Variants in CPA6 observed in about 807,000 individuals in gnomAD.
The protein encoded by CPA6 is carboxypeptidase A6, also known as carboxypeptidase B.
Under a neutral mutation model 63.3 loss-of-function variants are expected in CPA6, and 58 were observed. The observed-to-expected ratio is 0.92, with a 90% confidence interval of 0.74 to 1.14. CPA6 has a LOEUF of 1.14. Among genes scored for constraint, CPA6 ranks in the 50% most tolerant of loss-of-function variants. The probability of loss-of-function intolerance (pLI) is 0.00; values close to 1 mark genes in which losing one functional copy is unlikely to be tolerated. For missense variants in CPA6, 565 were observed against 526.6 expected, an observed-to-expected ratio of 1.07 and a Z score of -0.71; for synonymous variants, 185 against 179.0, an observed-to-expected ratio of 1.03 and a Z score of -0.27.
chr8:67,593,369 G>C (rs1468192553), intron 2 of CPA6, among the ~76,000 whole-genome samples: 2 of 151,966 alleles, frequency 1.3e-5, no homozygotes, highest in African/African-American at 4.8e-5. Flanking sequence ...CTGTTGATTT[G>C]GGGTGGAGAG....
intron 3 of CPA6, among the ~76,000 whole-genome samples, chr8:67,514,262 A>T (rs1353693426): frequency 6.6e-6 from 1 of 152,130 alleles, no homozygotes; most frequent in East Asian, 1.9e-4. Context: ...CTGATCAAAA[A>T]ATAGAAATTT....
At chr8:67,605,019 C>T (rs1006262346) in intron 2 of CPA6, among the ~76,000 whole-genome samples, 3 of 151,872 alleles carry the variant, frequency 2.0e-5, no homozygotes, top group Non-Finnish European at 2.9e-5. Context: ...CTCAGGTGAT[C>T]CACATGCCTT....
Position 67,594,779 on chromosome 8 carries a change from G to A in CPA6, c.192+29397C>T, listed in dbSNP as rs1465367468. Among the ~76,000 whole-genome samples the A allele has an allele frequency of 1.3e-4, 20 of 152,172 alleles. No individual in the cohort carries two copies. The South Asian group carries it at 3.9e-3, about 30-fold the overall frequency. ...TATTGGTTATTCTAGTTATACATTT[G>A]TCTAAATTTTTTTCAAAGTTTTCAA... On this transcript the variant is annotated intron_variant, in intron 2 of 10. Transcript: ENST00000297770.
intron 1 of CPA6, among the ~76,000 whole-genome samples, chr8:67,660,239 T>C (rs938835318): frequency 1.3e-5 from 2 of 151,924 alleles, no homozygotes; most frequent in Admixed American, 6.6e-5. Context: ...GAGATTATTA[T>C]ATCTACTAGT....
chr8:67,505,429 A>G (rs1811907046), intron 6 of CPA6, among the ~76,000 whole-genome samples: 1 of 152,194 alleles, frequency 6.6e-6, no homozygotes, highest in Non-Finnish European at 1.5e-5. Flanking sequence ...CTTTAGCTGG[A>G]ATGCTGGGGA....
chr8:67,569,486 G>A (rs897009342), intron 2 of CPA6: 4 of 369,858 alleles, frequency 1.1e-5, no homozygotes, highest in Non-Finnish European at 1.7e-5. Context: ...GCTAAGACAG[G>A]GTCTGTAACA....
intron 6 of CPA6, among the ~76,000 whole-genome samples, chr8:67,501,195 A>T (rs1471426992): frequency 6.6e-6 from 1 of 152,060 alleles, no homozygotes; most frequent in Non-Finnish European, 1.5e-5. Context: ...CTCCCAATCC[A>T]TGAATGTGGT....
At chr8:67,511,144 A>T (rs901270174) in intron 4 of CPA6, among the ~76,000 whole-genome samples, 3 of 152,152 alleles carry the variant, frequency 2.0e-5, no homozygotes, top group African/African-American at 7.2e-5. Flanking sequence ...AGAGGTCTCA[A>T]CTTTGCAGAG....
At chr8:67,473,204 AG>A (rs1811103062) in intron 8 of CPA6, among the ~76,000 whole-genome samples, 2 of 152,258 alleles carry the variant, frequency 1.3e-5, no homozygotes, top group Admixed American at 6.5e-5. Context: ...AAAGATTTCC[AG>A]TTAGCCTGTG....
At chr8:67,535,532 T>C in intron 2 of CPA6, among the ~76,000 whole-genome samples, 1 of 152,228 alleles carries the variant, frequency 6.6e-6, no homozygotes, top group East Asian at 1.9e-4. Flanking sequence ...TCTGTTCATA[T>C]CCTTTGCCCA....
chr8:67,730,582 T>C lies in CPA6; in HGVS notation c.116+15432A>G, dbSNP rs116394678. On this transcript the variant is annotated intron_variant, in intron 1 of 10. Transcript: ENST00000297770. The stretch of plus-strand genomic sequence containing the variant: ...GATGGGGCTGAAAGTCCCAAACCTC[T>C]AATCACATGGTTGGTTTCCCTGGCA... Among the ~76,000 whole-genome samples the C allele has an allele frequency of 8.0e-3, 1,216 of 152,284 alleles. 19 individuals carry two copies. The highest frequency in any genetic ancestry group is 0.027 in the African/African-American group (1,140 of 41,538).
intron 8 of CPA6, among the ~76,000 whole-genome samples, chr8:67,475,823 T>TCTTTTC (rs1811182728): frequency 2.2e-5 from 1 of 45,966 alleles, no homozygotes; most frequent in Non-Finnish European, 4.1e-5. Flanking sequence ...CTTTCCTTTC[T>TCTTTTC]TTTCTTTCTT....
rs778677867 is a variant in CPA6, at chr8:67,509,578, C to G, written c.473G>C (p.Gly158Ala). 1.3e-6 allele frequency: 2 copies of G among 1,599,114 alleles called. No individual in the cohort carries two copies. Among genetic ancestry groups the G allele is most frequent in the Non-Finnish European group, 1.7e-6 (2 of 1,170,308 alleles). Residue 158 changes from glycine to alanine, a missense_variant, in exon 5 of 11, where the codon GGC (glycine) becomes GCC (alanine). Physicochemically the swap from Gly to Ala is moderately conservative, Grantham distance 60. Coordinates refer to ENST00000297770, the MANE Select transcript of CPA6 (RefSeq NM_020361.5). ...WMHHLNKTHSGLIHMFSIGRS... is the reference protein window; with the variant it reads ...WMHHLNKTHSALIHMFSIGRS... ...TCCAATAGAGAACATGTGAATGAGG[C>G]CTGAGTGAGTTTTATTCAGATGATG...
At chr8:67,595,316 G>A (rs1488232159) in intron 2 of CPA6, among the ~76,000 whole-genome samples, 3 of 152,228 alleles carry the variant, frequency 2.0e-5, no homozygotes, top group East Asian at 1.9e-4. Context: ...CCATTAGGCT[G>A]CTCGGGGGTC....
chr8:67,731,083 T>C (rs1817696646), intron 1 of CPA6, among the ~76,000 whole-genome samples: 1 of 152,246 alleles, frequency 6.6e-6, no homozygotes, highest in African/African-American at 2.4e-5. Context: ...GTTGGTTGAA[T>C]CTTTGAATTG....
chr8:67,620,420 A>G (rs1004787809), intron 2 of CPA6, among the ~76,000 whole-genome samples: 1 of 152,178 alleles, frequency 6.6e-6, no homozygotes, highest in Non-Finnish European at 1.5e-5. Flanking sequence ...GGGGATAGAA[A>G]TCTTGGGGCT....
intron 8 of CPA6, among the ~76,000 whole-genome samples, chr8:67,449,903 C>T (rs1335351063): frequency 2.7e-5 from 4 of 150,472 alleles, no homozygotes; most frequent in African/African-American, 9.8e-5. Flanking sequence ...GCAACCTCCA[C>T]CTCCCGGGTT....
intron 1 of CPA6, among the ~76,000 whole-genome samples, chr8:67,676,262 G>A (rs1816472542): frequency 6.6e-6 from 1 of 152,138 alleles, no homozygotes; most frequent in Admixed American, 6.5e-5. Flanking sequence ...AGGCAGCTTC[G>A]CATTCACTTC....
At chr8:67,617,146 T>C (rs911602857) in intron 2 of CPA6, among the ~76,000 whole-genome samples, 4 of 152,202 alleles carry the variant, frequency 2.6e-5, no homozygotes, top group African/African-American at 9.6e-5. Flanking sequence ...GTCAATTCAG[T>C]TGAGTAAATT....
Sources: gnomAD v4.1 joint callset for allele counts (sites outside exome capture counted in the v4.1 genomes callset) on GRCh38, gnomAD v4.1.1 for gene constraint, MANE v1.5 for transcripts, NCBI Gene and HGNC (gene_info 2026-07-23, HGNC 2026-07-21) for gene names.